The following USP48 variants were observed in gnomAD, a reference collection of about 807,000 sequenced individuals.
USP48 encodes the protein ubiquitin specific peptidase 48, also known as ubiquitin carboxyl-terminal hydrolase 48.
In USP48, 43 loss-of-function variants were observed where a neutral mutation model predicts 150.7. The observed-to-expected ratio is 0.29, with a 90% CI of 0.22 to 0.37. The LOEUF is 0.37. Ranked by LOEUF, USP48 falls within the 10% of genes least tolerant of loss-of-function variation. The pLI is 1.00. For synonymous variants in USP48, 396 were observed against 425.9 expected (o/e 0.93, Z 0.86); for missense variants, 813 against 1,249.6 (o/e 0.65, Z 5.27).
chr1:21,759,952 GATA>G (rs1362437624), intron 1 of USP48, among the ~76,000 whole-genome samples: 2 of 152,278 alleles, frequency 1.3e-5, no homozygotes, highest in Admixed American at 6.5e-5. Context: ...CAAAGGGAAA[GATA>G]ATAACTTTCA....
At chr1:21,722,447 G>C (rs2097723806) in intron 12 of USP48, among the ~76,000 whole-genome samples, 1 of 151,450 alleles carries the variant, frequency 6.6e-6, no homozygotes, top group Admixed American at 6.6e-5. Context: ...GCTGAGGTGG[G>C]AGGACTGCTT....
chr1:21,747,042 G>A (rs1168363712), intron 8 of USP48, 25 bp downstream of exon 8: 2 of 1,534,934 alleles, frequency 1.3e-6, no homozygotes, highest in South Asian at 1.2e-5. Flanking sequence ...GCATTATAAT[G>A]TTTACTCCTC....
chr1:21,782,878 T>C lies in USP48; in HGVS notation c.80A>G (p.His27Arg), dbSNP rs2097918085. The change falls in exon 1 of 27, where the codon CAC (histidine) becomes CGC (arginine). Residue 27 changes from histidine (H) to arginine (R), a missense_variant. Coordinates refer to ENST00000308271, the MANE Select transcript of USP48 (RefSeq NM_032236.8). The stretch of plus-strand genomic sequence containing the variant: ...CCAGATGCGGTAAGCGGTCTCGATG[T>C]GCTCCTGCGACACCTCCTCGGGCCG... ...TVRPEEVSQE[H>R]IETAYRIWLE... The C allele has an allele frequency of 6.4e-7, 1 of 1,558,570 alleles. No homozygotes were observed. Among genetic ancestry groups the C allele is most frequent in the Non-Finnish European group, 8.7e-7 (1 of 1,152,838 alleles).
chr1:21,725,629 T>C (rs1405051192), intron 11 of USP48, among the ~76,000 whole-genome samples: 6 of 149,638 alleles, frequency 4.0e-5, no homozygotes, highest in Non-Finnish European at 3.0e-5. Context: ...GGCACACGAC[T>C]GTAATACCAG....
In USP48 at chr1:21,698,710, C is replaced by T. The variant is rs889408237; in HGVS notation, c.2727+2788G>A. On this transcript the variant is annotated intron_variant, in intron 22 of 26. Transcript: ENST00000308271. ...TTTGATTCCCCCATCCTGGATATCA[C>T]GGTGAAACCCCGTCTCTACTAAAAA... Among the ~76,000 whole-genome samples, 28 of 152,016 alleles carry T rather than the reference C, an allele frequency of 1.8e-4. 1 individual carries two copies. Among genetic ancestry groups the T allele is most frequent in the African/African-American group, 1.7e-4 (7 of 41,408 alleles).
intron 23 of USP48, among the ~76,000 whole-genome samples, chr1:21,693,436 ACT>A (rs2097609722): frequency 6.6e-6 from 1 of 151,948 alleles, no homozygotes; most frequent in Non-Finnish European, 1.5e-5. Flanking sequence ...CTTTTCTTTG[ACT>A]CTGTTTGGCC....
chr1:21,697,448 G>C (rs2097638716), intron 22 of USP48, among the ~76,000 whole-genome samples: 1 of 152,140 alleles, frequency 6.6e-6, no homozygotes, highest in South Asian at 2.1e-4. Flanking sequence ...CGGATCACAA[G>C]GTCAGGAGAT....
intron 1 of USP48, 69 bp downstream of exon 1, chr1:21,782,754 TC>T: frequency 6.9e-7 from 1 of 1,454,436 alleles, no homozygotes; most frequent in Non-Finnish European, 9.1e-7. Context: ...CGTCTTCCTT[TC>T]CCCTACCCCG....
intron 1 of USP48, among the ~76,000 whole-genome samples, chr1:21,778,293 C>T (rs762720535): frequency 8.6e-5 from 13 of 152,032 alleles, no homozygotes; most frequent in Non-Finnish European, 1.3e-4. Flanking sequence ...AGATGTTTAA[C>T]GTGATTAGTC....
intron 23 of USP48, among the ~76,000 whole-genome samples, chr1:21,690,688 G>A (rs566673233): frequency 1.3e-5 from 2 of 151,576 alleles, no homozygotes; most frequent in African/African-American, 2.4e-5. Flanking sequence ...CATGTCTGGC[G>A]GATTTTTTAT....
intron 3 of USP48, among the ~76,000 whole-genome samples, chr1:21,755,363 C>T (rs2152598359): frequency 6.6e-6 from 1 of 152,114 alleles, no homozygotes; most frequent in East Asian, 1.9e-4. Context: ...GAGTTTGAGA[C>T]CAGCCTGGGC....
At chr1:21,705,583 A>G (rs2097669962) in intron 19 of USP48, 144 bp downstream of exon 19, 5 of 590,428 alleles carry the variant, frequency 8.5e-6, no homozygotes, top group Admixed American at 3.7e-5. Context: ...CTCTTTTAAA[A>G]GGGGAAAAAA....
chr1:21,712,322 G>A (rs1293638066), intron 15 of USP48, among the ~76,000 whole-genome samples: 1 of 152,120 alleles, frequency 6.6e-6, no homozygotes, highest in Non-Finnish European at 1.5e-5. Flanking sequence ...CTGCACCATT[G>A]CGCTCCAGCC....
intron 6 of USP48, among the ~76,000 whole-genome samples, chr1:21,751,098 A>T (rs2097811593): frequency 6.6e-6 from 1 of 152,232 alleles, no homozygotes. Context: ...GGAATCACTG[A>T]ATTATCTCCA....
At chr1:21,683,191 G>C (rs994108235) in intron 25 of USP48, among the ~76,000 whole-genome samples, 1 of 152,088 alleles carries the variant, frequency 6.6e-6, no homozygotes, top group African/African-American at 2.4e-5. Context: ...TTGAAGCCCA[G>C]AGGCGGAGGT....
chr1:21,708,393 G>T (rs574265554), intron 15 of USP48, among the ~76,000 whole-genome samples: 11 of 152,110 alleles, frequency 7.2e-5, no homozygotes, highest in Non-Finnish European at 8.8e-5. Context: ...AGCTACTCAG[G>T]AGGCTGAGGC....
chr1:21,729,747 T>C lies in USP48; in HGVS notation c.1257A>G (p.Arg419=), dbSNP rs1333335504. 1.9e-6 allele frequency: 3 copies of C among 1,613,972 alleles called. No homozygotes were observed. The Admixed American group carries it at 5.0e-5, about 27-fold the overall frequency. Reference sequence around the variant, plus strand: ...TGTTGGGCTTTTCTTGAGTTTGCAGTCTATAAACCAACATATATGCATTTC... The same window carrying C: ...TGTTGGGCTTTTCTTGAGTTTGCAGCCTATAAACCAACATATATGCATTTC... The part of the protein sequence containing the change: ...CSRNAYMLVY[R]LQTQEKPNTT... Residue 419 remains arginine, a synonymous_variant, in exon 10 of 27, where the codon AGA becomes AGG. Coordinates refer to ENST00000308271, the MANE Select transcript of USP48 (RefSeq NM_032236.8).
At chr1:21,778,689 G>T (rs572797296) in intron 1 of USP48, among the ~76,000 whole-genome samples, 67 of 150,778 alleles carry the variant, frequency 4.4e-4, no homozygotes, top group Non-Finnish European at 2.9e-4. Context: ...AAGGCAGGAG[G>T]ATCACTTGAA....
rs1051034627 is a variant in USP48 at position 21,704,380 on chromosome 1, T to C, written c.2397A>G (p.Ile799Met). The change falls in exon 20 of 27, where the codon ATA (isoleucine) becomes ATG (methionine). Residue 799 changes from isoleucine (I) to methionine (M), a missense_variant. By Grantham distance (10) the Ile-to-Met change is conservative. Transcript: ENST00000308271. The part of the protein sequence containing the change: ...TKEDSKLIAL[I>M]WPSEWQMIQK... ...GTATCATTTGCCACTCACTGGGCCA[T>C]ATGAGAGCTATACTGTGCAAAAAAA... The C allele has an allele frequency of 2.5e-6, 4 of 1,612,910 alleles. No homozygotes were observed. The highest frequency in any genetic ancestry group is 3.3e-4 in the Middle Eastern group (2 of 6,058).
Sources: gnomAD v4.1 joint callset for allele counts (sites outside exome capture counted in the v4.1 genomes callset) on GRCh38, gnomAD v4.1.1 for gene constraint, MANE v1.5 for transcripts, NCBI Gene and HGNC (gene_info 2026-07-23, HGNC 2026-07-21) for gene names.